Variants in RPTOR observed in about 807,000 individuals in gnomAD.
The protein encoded by RPTOR is regulatory-associated protein of mTOR.
A neutral mutation model predicts 169.9 loss-of-function variants in RPTOR; 21 were observed. That is an observed-to-expected ratio of 0.12 (90% CI 0.09 to 0.18). RPTOR has a LOEUF of 0.18. Among genes scored for constraint, RPTOR ranks in the 10% least tolerant of loss-of-function variants. RPTOR has a pLI of 1.00. For synonymous variants in RPTOR, 732 were observed against 753.2 expected, an observed-to-expected ratio of 0.97 and a Z score of 0.46; for missense variants, 1,133 against 1,855.9, an observed-to-expected ratio of 0.61 and a Z score of 7.16.
At chr17:80,558,259 T>G (rs2084435788) in intron 1 of RPTOR, among the ~76,000 whole-genome samples, 1 of 152,104 alleles carries the variant, frequency 6.6e-6, no homozygotes, top group Non-Finnish European at 1.5e-5. Context: ...TATGATGGTG[T>G]CACTGCCCTC....
Position 80,838,945 on chromosome 17 carries a change from G to A in RPTOR, c.1212+948G>A, listed in dbSNP as rs191053128. 2.3e-3 allele frequency among the ~76,000 whole-genome samples: 355 copies of A among 152,338 alleles called. 3 individuals are homozygous for A. The highest frequency in any genetic ancestry group is 2.2e-3 in the Non-Finnish European group (152 of 68,024). On this transcript the variant is annotated intron_variant, in intron 10 of 33. Transcript: ENST00000306801. ...TGCTTTGGACAGAGCCCAGCACAGG[G>A]CCCTTGGGAATTCATGTGCAGGCAC...
intron 3 of RPTOR, among the ~76,000 whole-genome samples, chr17:80,652,272 T>C (rs2065646866): frequency 6.6e-6 from 1 of 152,130 alleles, no homozygotes; most frequent in South Asian, 2.1e-4. Context: ...AGAACACTTT[T>C]CTTACCCCAA....
intron 3 of RPTOR, among the ~76,000 whole-genome samples, chr17:80,656,495 C>T (rs2065680845): frequency 6.6e-6 from 1 of 152,240 alleles, no homozygotes; most frequent in Admixed American, 6.5e-5. Flanking sequence ...TGACTTGGGG[C>T]AGATGCAGAA....
chr17:80,748,593 G>A (rs2066601261), intron 5 of RPTOR, among the ~76,000 whole-genome samples: 1 of 115,038 alleles, frequency 8.7e-6, no homozygotes, highest in Non-Finnish European at 1.8e-5. Context: ...GGCCGTGGCG[G>A]GAGGACCTGT....
intron 3 of RPTOR, among the ~76,000 whole-genome samples, chr17:80,682,166 C>T (rs571951975): frequency 1.4e-5 from 2 of 139,330 alleles, no homozygotes; most frequent in South Asian, 2.5e-4. Flanking sequence ...TACAGTGGTG[C>T]AATCATGGGT....
intron 21 of RPTOR, among the ~76,000 whole-genome samples, chr17:80,913,550 T>C (rs2143947459): frequency 6.6e-6 from 1 of 152,168 alleles, no homozygotes; most frequent in Non-Finnish European, 1.5e-5. Flanking sequence ...CCTCCTGGGC[T>C]CAAGCGATCC....
chr17:80,695,925 C>T lies in RPTOR; in HGVS notation c.349-11916C>T, dbSNP rs9902891. On this transcript the variant is annotated intron_variant, in intron 3 of 33. Transcript: ENST00000306801. This position sits in a 1 kb window ranked among gnomAD's most constrained non-coding sequence, Gnocchi z 4.9. ...TGCGTGAGCTGGCTTTGATCTACCC[C>T]GGACCCATCTTTCTGTGAAGAGTTT... Among the ~76,000 whole-genome samples the T allele has an allele frequency of 0.013, 2,038 of 152,278 alleles. 61 individuals carry two copies. Among genetic ancestry groups the T allele is most frequent in the African/African-American group, 0.046 (1,924 of 41,548 alleles).
chr17:80,603,269 G>C (rs2065203975), intron 1 of RPTOR, among the ~76,000 whole-genome samples: 1 of 152,152 alleles, frequency 6.6e-6, no homozygotes, highest in Non-Finnish European at 1.5e-5. Context: ...TCAAGAAACC[G>C]CTAAAGCAGT....
intron 1 of RPTOR, among the ~76,000 whole-genome samples, chr17:80,561,946 TTA>T (rs111636674): frequency 1.4e-3 from 211 of 152,280 alleles, no homozygotes; most frequent in African/African-American, 4.7e-3. Context: ...GCATGTGTGT[TTA>T]TGTCTGTATG....
Position 80,893,718 on chromosome 17 carries a change from G to A in RPTOR, c.2254G>A (p.Val752Met), listed in dbSNP as rs1380916703. 1 of 1,609,746 alleles carries A rather than the reference G, an allele frequency of 6.2e-7. No individual in the cohort carries two copies. The highest frequency in any genetic ancestry group is 1.3e-5 in the African/African-American group (1 of 74,692). Residue 752 changes from valine (V) to methionine (M), a missense_variant, in exon 20 of 34, where the codon GTG becomes ATG. Physicochemically the swap from Val to Met is conservative, Grantham distance 21. Around this residue, in one of 9 missense-constraint regions of RPTOR, gnomAD observed 150 missense variants for 206.4 expected, o/e 0.73. Coordinates refer to ENST00000306801, the MANE Select transcript of RPTOR (RefSeq NM_020761.3). ...LSLTEESGGA[V>M]AFSPGNLSTS... The stretch of plus-strand genomic sequence containing the variant: ...TGCGTCTCGGGCAGCTGGTGGCGCG[G>A]TGGCGTTCTCCCCCGGAAACCTCAG...
intron 6 of RPTOR, among the ~76,000 whole-genome samples, chr17:80,783,505 A>G (rs1257517111): frequency 6.6e-6 from 1 of 152,274 alleles, no homozygotes; most frequent in East Asian, 1.9e-4. Context: ...CATTTTTCTT[A>G]TAACCAAATT....
intron 3 of RPTOR, among the ~76,000 whole-genome samples, chr17:80,682,279 T>C (rs1401353690): frequency 1.3e-5 from 2 of 152,018 alleles, no homozygotes; most frequent in Non-Finnish European, 2.9e-5. Flanking sequence ...AATTGTTAAA[T>C]TTTTTTGTAA....
At chr17:80,761,612 A>G (rs1245429531) in intron 6 of RPTOR, among the ~76,000 whole-genome samples, 1 of 152,188 alleles carries the variant, frequency 6.6e-6, no homozygotes, top group Non-Finnish European at 1.5e-5. Flanking sequence ...TTTTTTCCTG[A>G]TGACTCAACC....
rs2067419600 is a variant in RPTOR, at chr17:80,824,703, G to A, written c.1136+1480G>A. On this transcript the variant is annotated intron_variant, in intron 9 of 33. Coordinates refer to ENST00000306801, the MANE Select transcript of RPTOR (RefSeq NM_020761.3). ...TTGAGCACTCGGAGCGGGGTGGGCA[G>A]GGCCTCCAGACTTGCAGGTTCCCTT... 4.6e-5 allele frequency among the ~76,000 whole-genome samples: 7 copies of A among 152,256 alleles called. No homozygotes were observed. The South Asian group carries it at 1.4e-3, about 31-fold the overall frequency.
intron 4 of RPTOR, chr17:80,709,164 C>T (rs1007892168): frequency 1.5e-5 from 12 of 802,636 alleles, no homozygotes; most frequent in African/African-American, 1.3e-4. Context: ...CATCTCTCCC[C>T]GTGTGTATCT....
At chr17:80,548,579 G>T (rs1466130486) in intron 1 of RPTOR, among the ~76,000 whole-genome samples, 1 of 151,238 alleles carries the variant, frequency 6.6e-6, no homozygotes, top group Admixed American at 6.6e-5. Context: ...CACCATGTTG[G>T]CCAGGCTGGT....
chr17:80,584,481 C>T (rs1242064035), intron 1 of RPTOR, among the ~76,000 whole-genome samples: 1 of 152,008 alleles, frequency 6.6e-6, no homozygotes, highest in Non-Finnish European at 1.5e-5. Context: ...ACAAAGAGGA[C>T]CACTGCTATA....
chr17:80,652,157 G>A (rs1320181010), intron 3 of RPTOR, among the ~76,000 whole-genome samples: 13 of 151,068 alleles, frequency 8.6e-5, no homozygotes, highest in East Asian at 5.8e-4. Context: ...GTGACAGAGC[G>A]AGACTCCATC....
At chr17:80,880,677 C>T (rs781097223) in intron 14 of RPTOR, among the ~76,000 whole-genome samples, 188 bp downstream of exon 14, 56 of 152,346 alleles carry the variant, frequency 3.7e-4, no homozygotes, top group Middle Eastern at 3.4e-3. Flanking sequence ...CTACCATGAG[C>T]GCAGCTGTTA....
Sources: gnomAD v4.1 joint callset for allele counts (sites outside exome capture counted in the v4.1 genomes callset) on GRCh38, gnomAD v4.1.1 for gene constraint, gnomAD v4.1.1 regional missense constraint, Gnocchi (gnomAD v3.1) non-coding constraint, MANE v1.5 for transcripts, NCBI Gene and HGNC (gene_info 2026-07-23, HGNC 2026-07-21) for gene names.